The following ULK4 variants were observed in gnomAD, a reference collection of about 807,000 sequenced individuals.
ULK4 encodes inactive serine/threonine-protein kinase ULK4.
In ULK4, 133 loss-of-function variants were observed where a neutral mutation model predicts 160.6. That is an observed-to-expected ratio of 0.83 (90% CI 0.72 to 0.96). The LOEUF (loss-of-function observed/expected upper bound fraction) is 0.96, where lower values mean the gene tolerates loss of function less well. Among genes scored for constraint, ULK4 ranks in the 40% least tolerant of loss-of-function variants. The probability of loss-of-function intolerance (pLI) is 0.00; values close to 1 mark genes in which losing one functional copy is unlikely to be tolerated. For missense variants in ULK4, 1,580 were observed against 1,499.5 expected (o/e 1.05, Z -0.89); for synonymous variants, 534 against 539.8 (o/e 0.99, Z 0.15).
Position 41,301,954 on chromosome 3 carries a change from A to G in ULK4, c.3679-52380T>C, listed in dbSNP as rs575988578. Among the ~76,000 whole-genome samples the G allele has an allele frequency of 1.8e-3, 276 of 152,372 alleles. 1 individual carries two copies. Among genetic ancestry groups the G allele is most frequent in the Non-Finnish European group, 3.4e-3 (230 of 68,038 alleles). On this transcript the variant is annotated intron_variant, in intron 35 of 36. Transcript: ENST00000301831. ...ATTTTCTACTTAGTAACAGAGGTCC[A>G]GACCTAACTGATACTGAATGGTAAG...
At chr3:41,819,348 G>T in intron 19 of ULK4, 75 bp downstream of exon 19, 1 of 1,407,850 alleles carries the variant, frequency 7.1e-7, no homozygotes, top group Non-Finnish European at 9.8e-7. Context: ...ACTGCTGCAG[G>T]CTACAATCCT....
At chr3:41,379,458 A>C (rs545979511) in intron 35 of ULK4, among the ~76,000 whole-genome samples, 1 of 152,342 alleles carries the variant, frequency 6.6e-6, no homozygotes, top group Admixed American at 6.5e-5. Flanking sequence ...ACACTTTCAA[A>C]ACATTTCCTT....
chr3:41,885,829 C>A (rs920865841), intron 16 of ULK4, among the ~76,000 whole-genome samples: 1 of 152,042 alleles, frequency 6.6e-6, no homozygotes, highest in African/African-American at 2.4e-5. Context: ...TAGGTGTGCA[C>A]CACCATCCCT....
At chr3:41,808,605 T>C (rs1458931088) in intron 19 of ULK4, among the ~76,000 whole-genome samples, 1 of 152,220 alleles carries the variant, frequency 6.6e-6, no homozygotes, top group Non-Finnish European at 1.5e-5. Context: ...AGCACTAAAA[T>C]AAAAGCTAAG....
intron 3 of ULK4, 101 bp from the exon 4 acceptor site, chr3:41,936,041 A>C: frequency 6.8e-7 from 1 of 1,472,952 alleles, no homozygotes; most frequent in Non-Finnish European, 9.2e-7. Flanking sequence ...AAAAATGATC[A>C]AGACAGTAAA....
intron 32 of ULK4, among the ~76,000 whole-genome samples, chr3:41,553,678 A>G (rs2087165851): frequency 6.6e-6 from 1 of 152,068 alleles, no homozygotes; most frequent in South Asian, 2.1e-4. Context: ...GAAAAATAAG[A>G]AGACTGCTTT....
chr3:41,513,134 T>C (rs910839759), intron 32 of ULK4, among the ~76,000 whole-genome samples: 1 of 152,152 alleles, frequency 6.6e-6, no homozygotes, highest in Non-Finnish European at 1.5e-5. Flanking sequence ...TCTCACCTTA[T>C]ATAAAAATGA....
chr3:41,839,455 CAATT>C, intron 17 of ULK4, among the ~76,000 whole-genome samples: 1 of 148,796 alleles, frequency 6.7e-6, no homozygotes, highest in Admixed American at 6.7e-5. Flanking sequence ...TAATAATATA[CAATT>C]ATTTGCTAAT....
intron 21 of ULK4, among the ~76,000 whole-genome samples, chr3:41,785,571 G>A (rs9311289): frequency 0.21 from 31,639 of 151,978 alleles, 3,562 homozygotes; most frequent in East Asian, 0.46. Flanking sequence ...ATATATGAGC[G>A]TCAATCCCGC....
intron 35 of ULK4, among the ~76,000 whole-genome samples, chr3:41,353,694 T>TA (rs1559540339): frequency 1.4e-4 from 14 of 102,254 alleles, no homozygotes; most frequent in African/African-American, 6.3e-4. Flanking sequence ...TAATAATAAT[T>TA]ACAATTACTA....
chr3:41,821,587 T>C (rs974441630), intron 18 of ULK4, among the ~76,000 whole-genome samples: 2 of 152,214 alleles, frequency 1.3e-5, no homozygotes, highest in Non-Finnish European at 2.9e-5. Context: ...CCTCCCTTCT[T>C]CAGGGTCATT....
intron 17 of ULK4, among the ~76,000 whole-genome samples, chr3:41,863,905 TG>T (rs1304668523): frequency 2.8e-4 from 42 of 151,832 alleles, no homozygotes; most frequent in African/African-American, 1.0e-3. Flanking sequence ...CTATGCAGCC[TG>T]GGGTTGGGGG....
chr3:41,738,873 C>G (rs1452298569), intron 22 of ULK4, among the ~76,000 whole-genome samples: 1 of 151,874 alleles, frequency 6.6e-6, no homozygotes, highest in Non-Finnish European at 1.5e-5. Flanking sequence ...GGCTCTGCAG[C>G]AATTCTACAA....
intron 19 of ULK4, among the ~76,000 whole-genome samples, chr3:41,802,617 C>T (rs970964569): frequency 2.0e-5 from 3 of 151,934 alleles, no homozygotes; most frequent in African/African-American, 7.3e-5. Context: ...CTGTTTAAAC[C>T]AGAAATGACA....
intron 32 of ULK4, among the ~76,000 whole-genome samples, chr3:41,535,865 A>G (rs1195998596): frequency 6.6e-6 from 1 of 152,156 alleles, no homozygotes; most frequent in Non-Finnish European, 1.5e-5. Context: ...TCTGACCTCA[A>G]TGTACTCCTG....
chr3:41,487,644 T>G (rs2084588446), intron 32 of ULK4, among the ~76,000 whole-genome samples: 1 of 152,014 alleles, frequency 6.6e-6, no homozygotes, highest in Non-Finnish European at 1.5e-5. Context: ...TTAACAAAAT[T>G]CAGGCTAAAT....
intron 32 of ULK4, among the ~76,000 whole-genome samples, chr3:41,545,589 C>G (rs972239957): frequency 6.6e-6 from 1 of 152,066 alleles, no homozygotes; most frequent in South Asian, 2.1e-4. Flanking sequence ...GTTTGACTAT[C>G]GTGTGCTTAG....
chr3:41,696,359 G>GTC (rs1349895785), intron 27 of ULK4, among the ~76,000 whole-genome samples: 12 of 152,070 alleles, frequency 7.9e-5, no homozygotes, highest in Non-Finnish European at 2.9e-5. Flanking sequence ...GGTGTAAGCT[G>GTC]TCTCTCTCTC....
At chr3:41,445,533 T>C (rs937899274) in intron 34 of ULK4, among the ~76,000 whole-genome samples, 9 of 151,680 alleles carry the variant, frequency 5.9e-5, no homozygotes, top group Non-Finnish European at 1.3e-4. Flanking sequence ...GAGATATAGA[T>C]CAATGGAACA....
Sources: allele counts gnomAD v4.1 joint callset (sites outside exome capture counted in the v4.1 genomes callset), GRCh38; gene constraint gnomAD v4.1.1; transcripts MANE v1.5; gene names NCBI Gene and HGNC (gene_info 2026-07-23, HGNC 2026-07-21).